NEB: variants seen among roughly 807,000 people sequenced by gnomAD.
NEB encodes the protein nebulin.
NEB carries 512 observed loss-of-function variants against 952.2 expected under a neutral mutation model. The observed-to-expected ratio is 0.54, with a 90% CI of 0.50 to 0.58. The LOEUF (loss-of-function observed/expected upper bound fraction) is 0.58, where lower values mean the gene tolerates loss of function less well. NEB is among the 20% of genes least tolerant of loss of function. The pLI is 0.00. For missense variants in NEB, 8,428 were observed against 9,231.1 expected (o/e 0.91, Z 3.56); for synonymous variants, 2,900 against 3,149.8 (o/e 0.92, Z 2.66).
chr2:151,704,768 C>T (rs897858723), intron 13 of NEB, among the ~76,000 whole-genome samples: 1 of 152,176 alleles, frequency 6.6e-6, no homozygotes, highest in African/African-American at 2.4e-5. Flanking sequence ...CTGGCACTGC[C>T]TAGTGAGATG....
At chr2:151,492,564 T>C (rs1004370526) in intron 176 of NEB, 70 bp from the exon 177 acceptor site, 4 of 1,142,624 alleles carry the variant, frequency 3.5e-6, no homozygotes, top group South Asian at 2.8e-5. Context: ...TTCCAGCAGA[T>C]AGAGATGGAT....
At chr2:151,667,160 A>G (rs966580381) in intron 40 of NEB, among the ~76,000 whole-genome samples, 2 of 150,892 alleles carry the variant, frequency 1.3e-5, no homozygotes, top group East Asian at 3.9e-4. Context: ...GGTTTTCCAT[A>G]TTTCTATTTC....
intron 13 of NEB, among the ~76,000 whole-genome samples, chr2:151,704,733 G>T (rs546864277): frequency 1.3e-5 from 2 of 152,290 alleles, no homozygotes; most frequent in African/African-American, 2.4e-5. Flanking sequence ...CACAGTGCGA[G>T]CACTCACTGA....
intron 151 of NEB, among the ~76,000 whole-genome samples, 171 bp from the exon 152 acceptor site, chr2:151,524,787 C>T (rs1559530261): frequency 6.7e-6 from 1 of 149,964 alleles, no homozygotes; most frequent in African/African-American, 2.5e-5. Context: ...CTGCCTCAGC[C>T]TCCCGAGTAG....
intron 9 of NEB, among the ~76,000 whole-genome samples, chr2:151,722,795 C>T (rs2099778521): frequency 6.6e-6 from 1 of 152,092 alleles, no homozygotes; most frequent in Non-Finnish European, 1.5e-5. Context: ...GCAATCCTCC[C>T]CTCTTGGCCT....
intron 11 of NEB, 111 bp from the exon 12 acceptor site, chr2:151,709,874 G>C (rs1229168166): frequency 2.7e-6 from 2 of 743,154 alleles, no homozygotes; most frequent in African/African-American, 3.6e-5. Context: ...CCTGTCCTTG[G>C]TTTAGGCTGG....
chr2:151,500,896 G>A (rs565857707), intron 168 of NEB, among the ~76,000 whole-genome samples: 1 of 152,178 alleles, frequency 6.6e-6, no homozygotes, highest in East Asian at 1.9e-4. Context: ...ACCACGCCTG[G>A]CCCCAAATAA....
chr2:151,662,325 T>A lies in NEB; in HGVS notation c.5780A>T (p.Asp1927Val), dbSNP rs1575486046. The A allele has an allele frequency of 6.2e-7, 1 of 1,613,326 alleles. No homozygotes were observed. Residue 1927 changes from aspartate (D) to valine (V), a missense_variant, in exon 46 of 182, where the codon GAC (aspartate) becomes GTC (valine). Physicochemically the swap from Asp to Val is radical, Grantham distance 152. Transcript: ENST00000397345. ...QIQSDNQYKA[D>V]YADFMKGIGW... ...AATGCCCTTCATGAAGTCAGCATAG[T>A]CAGCCTTGTACTGATTCTGCAAAAG...
At chr2:151,645,797 G>A (rs1359308955) in intron 55 of NEB, among the ~76,000 whole-genome samples, 6 of 152,124 alleles carry the variant, frequency 3.9e-5, no homozygotes, top group African/African-American at 1.4e-4. Context: ...TGTCAGGCAC[G>A]ATTCTAGATA....
At chr2:151,535,215 A>C (rs2092878768) in intron 142 of NEB, among the ~76,000 whole-genome samples, 1 of 152,224 alleles carries the variant, frequency 6.6e-6, no homozygotes, top group African/African-American at 2.4e-5. Flanking sequence ...TGTGGGAGTA[A>C]CAATGGCAAT....
chr2:151,711,070 C>T (rs1006148627), intron 10 of NEB, among the ~76,000 whole-genome samples: 1 of 152,148 alleles, frequency 6.6e-6, no homozygotes, highest in African/African-American at 2.4e-5. Flanking sequence ...CCCCATCTGA[C>T]TCCCAAATCC....
In NEB at chr2:151,614,254, G is replaced by C. The variant is rs372356574; in HGVS notation, c.11601+22C>G. On this transcript the variant is annotated intron_variant, in intron 77 of 181. Coordinates refer to ENST00000397345, the MANE Select transcript of NEB (RefSeq NM_001164508.2). ...TAGAATGCTTTTCTAAACCATTACT[G>C]AAGAATATTAGAGCCACTCACATCA... The C allele has an allele frequency of 2.5e-4, 406 of 1,605,188 alleles. 7 individuals are homozygous for C. In the South Asian group the frequency reaches 3.0e-3, roughly 12 times the overall value.
intron 27 of NEB, among the ~76,000 whole-genome samples, chr2:151,686,961 A>G (rs2099507540): frequency 1.3e-5 from 2 of 152,140 alleles, no homozygotes; most frequent in South Asian, 4.1e-4. Context: ...GGGGTTTATA[A>G]TCAATGGAGT....
At chr2:151,548,181 G>A (rs985053813) in intron 131 of NEB, 127 bp downstream of exon 131, 1 of 770,244 alleles carries the variant, frequency 1.3e-6, no homozygotes, top group Non-Finnish European at 2.1e-6. Context: ...GTGACAATAA[G>A]GACCTTTTTC....
intron 46 of NEB, among the ~76,000 whole-genome samples, 177 bp downstream of exon 46, chr2:151,661,958 T>C (rs1402978271): frequency 6.6e-6 from 1 of 152,172 alleles, no homozygotes; most frequent in Admixed American, 6.5e-5. Context: ...ATTTGAAGAC[T>C]ACTAGTTAGA....
chr2:151,521,943 TG>T (rs890111745), intron 153 of NEB, among the ~76,000 whole-genome samples: 1 of 152,166 alleles, frequency 6.6e-6, no homozygotes, highest in African/African-American at 2.4e-5. Context: ...TAGGAATTCT[TG>T]GAATGGTGTT....
chr2:151,498,700 C>T (rs1343898485), intron 169 of NEB, among the ~76,000 whole-genome samples: 1 of 152,116 alleles, frequency 6.6e-6, no homozygotes, highest in Non-Finnish European at 1.5e-5. Flanking sequence ...AAGGAAGTTA[C>T]TTTTGATTTG....
At position 151,493,771 on chromosome 2, in the gene NEB, A is replaced by C. The variant is rs1276160013; in HGVS notation, c.24672+4T>G. On this transcript the variant is annotated splice_donor_region_variant and intron_variant, in intron 175 of 181. Coordinates refer to ENST00000397345, the MANE Select transcript of NEB (RefSeq NM_001164508.2). ...TAAGGATTTATTTTTCCTTTCTAAAATACCGAGCTAAAGTTTTCTTGATTG... is the reference window on the plus strand; with the variant it reads ...TAAGGATTTATTTTTCCTTTCTAAACTACCGAGCTAAAGTTTTCTTGATTG... The C allele has an allele frequency of 1.3e-6, 2 of 1,548,506 alleles. No homozygotes were observed. The highest frequency in any genetic ancestry group is 4.6e-5 in the East Asian group (2 of 43,172).
intron 18 of NEB, among the ~76,000 whole-genome samples, chr2:151,695,350 T>C (rs1161362687): frequency 6.6e-6 from 1 of 152,204 alleles, no homozygotes; most frequent in African/African-American, 2.4e-5. Context: ...CTGGTTACAA[T>C]ACTATATATT....
Sources: allele counts gnomAD v4.1 joint callset (sites outside exome capture counted in the v4.1 genomes callset), GRCh38; gene constraint gnomAD v4.1.1; transcripts MANE v1.5; gene names NCBI Gene and HGNC (gene_info 2026-07-23, HGNC 2026-07-21).